The following HTR3C variants were observed in gnomAD, a reference collection of about 807,000 sequenced individuals.
HTR3C encodes 5-hydroxytryptamine receptor 3C.
In HTR3C, 32 loss-of-function variants were observed where a neutral mutation model predicts 40.5. The ratio of observed to expected loss-of-function variants is 0.79; its 90% CI spans 0.60 to 1.06. The LOEUF is 1.06. HTR3C is among the 50% of genes least tolerant of loss of function. The pLI, the probability that HTR3C is intolerant of heterozygous loss-of-function variation, is 0.00. For synonymous variants in HTR3C, 209 were observed against 217.1 expected (o/e 0.96, Z 0.33); for missense variants, 523 against 556.8 (o/e 0.94, Z 0.61).
In HTR3C at chr3:184,060,429, A is replaced by T; in HGVS notation, c.*77A>T. On this transcript the variant is annotated 3_prime_UTR_variant, in exon 9 of 9. Transcript: ENST00000318351. Reference sequence around the variant, plus strand: ...TGGGCCAGCCGGACTCATTTTCCTAATCTTAGCCACTTATCCCCAGTGACT... The same window carrying T: ...TGGGCCAGCCGGACTCATTTTCCTATTCTTAGCCACTTATCCCCAGTGACT... 1 of 1,575,276 alleles carries T rather than the reference A, an allele frequency of 6.3e-7. No homozygotes were observed.
chr3:184,057,733 TCAAAA>T (rs68137954), intron 5 of HTR3C, among the ~76,000 whole-genome samples: 93,159 of 150,356 alleles, frequency 0.62, 28,970 homozygotes, highest in East Asian at 0.75. Flanking sequence ...AGACTCCGTC[TCAAAA>T]CAAAACAAAA....
At position 184,054,740 on chromosome 3, in the gene HTR3C, C is replaced by T. The variant is rs1221476859; in HGVS notation, c.87C>T (p.Thr29=). ...CTATAGGAAGAGGCGACGCTTTTAC[C>T]ATCAATTGCTCAGGCTTTGACCAGC... ...LLLQGRGDAF[T]INCSGFDQHG... The change falls in exon 2 of 9, where the codon ACC becomes ACT. Residue 29 remains threonine, a synonymous_variant. Coordinates refer to ENST00000318351, the MANE Select transcript of HTR3C (RefSeq NM_130770.3). The T allele has an allele frequency of 5.0e-6, 8 of 1,601,030 alleles. No individual in the cohort carries two copies. The highest frequency in any genetic ancestry group is 5.1e-6 in the Non-Finnish European group (6 of 1,174,984).
At position 184,056,270 on chromosome 3, in the gene HTR3C, ATCT is replaced by A; in HGVS notation, c.376_378del (p.Phe126del). 1 of 1,612,532 alleles carries A rather than the reference ATCT, an allele frequency of 6.2e-7. No individual in the cohort carries two copies. The highest frequency in any genetic ancestry group is 8.5e-7 in the Non-Finnish European group (1 of 1,178,482). ...AGCTGAAAACCTGTGGCTCCCAGAC[ATCT>A]TCATCGTGGAATCGTGCGTATGCAG... On this transcript the variant is annotated inframe_deletion, in exon 4 of 9. Coordinates refer to ENST00000318351, the MANE Select transcript of HTR3C (RefSeq NM_130770.3).
chr3:184,055,532 G>T (rs1296692751), intron 3 of HTR3C, among the ~76,000 whole-genome samples, 176 bp downstream of exon 3: 1 of 152,082 alleles, frequency 6.6e-6, no homozygotes, highest in Non-Finnish European at 1.5e-5. Context: ...TGGCCAACAT[G>T]GTGAAACCCC....
At chr3:184,054,684 T>C in intron 1 of HTR3C, 37 bp from the exon 2 acceptor site, 2 of 1,500,204 alleles carry the variant, frequency 1.3e-6, no homozygotes, top group African/African-American at 2.8e-5. Flanking sequence ...GCCCTGGAAA[T>C]AGAGTCCCTC....
rs1723397770 is a variant in HTR3C, at chr3:184,059,506, T to C, written c.791T>C (p.Ile264Thr). Reference sequence around the variant, plus strand: ...GTGCCCAGTAGCTTTCTGGTTGCCATTGATGCCCTCAGCTTCTACCTGCCA... The same window carrying C: ...GTGCCCAGTAGCTTTCTGGTTGCCACTGATGCCCTCAGCTTCTACCTGCCA... ...LLVPSSFLVA[I>T]DALSFYLPAE... Residue 264 changes from isoleucine (I) to threonine (T), a missense_variant, in exon 7 of 9, where the codon ATT becomes ACT. Ile to Thr is a moderately conservative substitution (Grantham distance 89). Coordinates refer to ENST00000318351, the MANE Select transcript of HTR3C (RefSeq NM_130770.3). 8 of 1,614,080 alleles carry C rather than the reference T, an allele frequency of 5.0e-6. No homozygotes were observed. Among genetic ancestry groups the C allele is most frequent in the South Asian group, 1.1e-5 (1 of 91,084 alleles).
intron 6 of HTR3C, 115 bp from the exon 7 acceptor site, chr3:184,059,321 T>C (rs1723393329): frequency 2.3e-6 from 2 of 867,400 alleles, no homozygotes; most frequent in Non-Finnish European, 3.7e-6. Context: ...AAAGTGTTAC[T>C]TAAAAAGATC....
rs1723422614 is a variant in HTR3C at position 184,060,311 on chromosome 3, G to T, written c.1303G>T (p.Ala435Ser). The change falls in exon 9 of 9, where the codon GCC becomes TCC. Residue 435 changes from alanine (A) to serine (S), a missense_variant. Physicochemically the swap from Ala to Ser is moderately conservative, Grantham distance 99. Coordinates refer to ENST00000318351, the MANE Select transcript of HTR3C (RefSeq NM_130770.3). ...LLFRLYLLFM[A>S]SSILTVIVLW... ...CTTCCGCCTCTACCTGCTCTTCATG[G>T]CCTCCTCCATCCTTACTGTCATTGT... is the stretch of plus-strand genomic sequence containing the variant. 1.2e-6 allele frequency: 2 copies of T among 1,613,996 alleles called. No homozygotes were observed. Among genetic ancestry groups the T allele is most frequent in the Admixed American group, 1.7e-5 (1 of 59,992 alleles).
rs1288080566 is a variant in HTR3C at position 184,059,875 on chromosome 3, G to T, written c.973G>T (p.Glu325Ter). The T allele has an allele frequency of 6.2e-7, 1 of 1,613,814 alleles. No homozygotes were observed. The highest frequency in any genetic ancestry group is 1.3e-5 in the African/African-American group (1 of 74,854). Residue 325 changes from glutamate (E) to a stop codon, truncating the protein, a stop_gained, in exon 8 of 9, where the codon GAG becomes TAG. Transcript: ENST00000318351. LOFTEE classifies it high-confidence loss of function. ...CLSLMVVSLL[E>*]TVFITYLLHV... The stretch of plus-strand genomic sequence containing the variant: ...GTCCCTGATGGTGGTCAGCCTGCTG[G>T]AGACCGTCTTCATTACCTACCTGCT...
intron 4 of HTR3C, 78 bp downstream of exon 4, chr3:184,056,364 C>T (rs373711599): frequency 4.3e-6 from 4 of 924,404 alleles, no homozygotes; most frequent in Admixed American, 3.6e-5. Flanking sequence ...GGGCATGGGG[C>T]CACCGAAAGA....
intron 6 of HTR3C, 51 bp downstream of exon 6, chr3:184,058,638 G>C: frequency 6.3e-7 from 1 of 1,583,208 alleles, no homozygotes. Context: ...CTCTTTGATT[G>C]TCCTCTTGAC....
At position 184,059,337 on chromosome 3, in the gene HTR3C, C is replaced by T. The variant is rs1039120130; in HGVS notation, c.721-99C>T. 1.1e-5 allele frequency: 12 copies of T among 1,059,086 alleles called. No individual in the cohort carries two copies. In the African/African-American group the frequency reaches 1.6e-4, roughly 14 times the overall value. 65.6% of individuals were successfully genotyped at this position (1,059,086 alleles called of 1,614,324 possible). A position where few individuals can be genotyped will look rare whatever the true frequency, so the allele number is the denominator to read the frequency against. On this transcript the variant is annotated intron_variant, in intron 6 of 8. Transcript: ENST00000318351. ...AAGTGTTACTTAAAAAGATCGTCCC[C>T]AGCAGCCTCACAGCACATTGGCAAA...
Position 184,054,872 on chromosome 3 carries a change from T to C in HTR3C, c.219T>C (p.Ser73=), listed in dbSNP as rs1723291430. ...GTGTCAACATCTCCTTCACCCTGTC[T>C]GCCATCCTGGGAGTGGTGAGACTTA... ...PTRVNISFTL[S]AILGVDAQLQ... The change falls in exon 2 of 9, where the codon TCT becomes TCC. Residue 73 remains serine, a synonymous_variant. Transcript: ENST00000318351. 2.5e-6 allele frequency: 4 copies of C among 1,606,380 alleles called. 1 individual carries two copies. The South Asian group carries it at 4.5e-5, about 18-fold the overall frequency.
chr3:184,060,030 C>T lies in HTR3C; in HGVS notation c.1128C>T (p.Leu376=). 1 of 1,613,580 alleles carries T rather than the reference C, an allele frequency of 6.2e-7. No homozygotes were observed. Among genetic ancestry groups the T allele is most frequent in the Non-Finnish European group, 8.5e-7 (1 of 1,179,844 alleles). Residue 376 remains leucine, a synonymous_variant, in exon 8 of 9, where the codon CTC becomes CTT. Coordinates refer to ENST00000318351, the MANE Select transcript of HTR3C (RefSeq NM_130770.3). ...QKGNKGLGLT[L]THLPGPKEPG... Reference sequence around the variant, plus strand: ...GAAATAAGGGCCTGGGTCTCACCCTCACCCACCTGCCTGGTGAGGGAAGCC... The same window carrying T: ...GAAATAAGGGCCTGGGTCTCACCCTTACCCACCTGCCTGGTGAGGGAAGCC...
intron 5 of HTR3C, among the ~76,000 whole-genome samples, chr3:184,058,020 A>C (rs1723363806): frequency 6.6e-6 from 1 of 152,216 alleles, no homozygotes; most frequent in African/African-American, 2.4e-5. Flanking sequence ...ACCAGGTGTC[A>C]TGTGGCAGAT....
chr3:184,053,943 T>C (rs1050502313), intron 1 of HTR3C, among the ~76,000 whole-genome samples: 1 of 152,104 alleles, frequency 6.6e-6, no homozygotes, highest in Non-Finnish European at 1.5e-5. Flanking sequence ...TTAGTAGAGA[T>C]GGGGTTTCAC....
rs1723406265 is a variant in HTR3C, at chr3:184,059,750, AT to A, written c.926-76del. The A allele has an allele frequency of 3.8e-6, 6 of 1,594,640 alleles. No individual in the cohort carries two copies. The Admixed American group carries it at 8.3e-5, about 22-fold the overall frequency. On this transcript the variant is annotated intron_variant, in intron 7 of 8. Transcript: ENST00000318351. The stretch of plus-strand genomic sequence containing the variant: ...AGGAAGGAAGGGGCTGTGAAAGAAG[AT>A]TGGATTTAGGAAAGAGGCGTGAGGA...
Position 184,054,114 on chromosome 3 carries a change from C to T in HTR3C, c.68-607C>T, listed in dbSNP as rs576003912. 3.9e-5 allele frequency among the ~76,000 whole-genome samples: 6 copies of T among 152,202 alleles called. No homozygotes were observed. The East Asian group carries it at 1.2e-3, about 29-fold the overall frequency. ...GCTCAGTGATGTCACCTCATGATCC[C>T]GATGCTAGAAATAACCCACGAGACA... is the stretch of plus-strand genomic sequence containing the variant. On this transcript the variant is annotated intron_variant, in intron 1 of 8. Transcript: ENST00000318351.
intron 1 of HTR3C, among the ~76,000 whole-genome samples, chr3:184,053,616 A>G (rs1433860039): frequency 6.6e-6 from 1 of 152,184 alleles, no homozygotes; most frequent in East Asian, 1.9e-4. Flanking sequence ...AGAGATGGAG[A>G]TAGAGAGAAG....
Sources: allele counts gnomAD v4.1 joint callset (sites outside exome capture counted in the v4.1 genomes callset), GRCh38; gene constraint gnomAD v4.1.1; transcripts MANE v1.5; gene names NCBI Gene and HGNC (gene_info 2026-07-23, HGNC 2026-07-21).